The following ZNF831 variants were observed in gnomAD, a reference collection of about 807,000 sequenced individuals.
ZNF831 encodes the protein zinc finger protein 831.
In ZNF831, 59 loss-of-function variants were observed where a neutral mutation model predicts 95.8. That is an observed-to-expected ratio of 0.62 (90% CI 0.50 to 0.77). The LOEUF is 0.77. ZNF831 is among the 30% of genes least tolerant of loss of function. ZNF831 has a pLI of 0.00. For synonymous variants in ZNF831, 961 were observed against 925.5 expected (o/e 1.04, Z -0.70); for missense variants, 2,205 against 2,164.0 (o/e 1.02, Z -0.38).
intron 1 of ZNF831, among the ~76,000 whole-genome samples, chr20:59,168,190 A>T (rs1024448928): frequency 2.6e-5 from 4 of 152,204 alleles, no homozygotes; most frequent in African/African-American, 9.7e-5. Context: ...GAGAATTGAC[A>T]TTTTTACTAT....
intron 1 of ZNF831, among the ~76,000 whole-genome samples, chr20:59,123,840 C>T (rs544300222): frequency 3.3e-5 from 5 of 152,310 alleles, no homozygotes; most frequent in Non-Finnish European, 7.3e-5. Flanking sequence ...ATTTGATTTA[C>T]AGCAGCATTT....
At chr20:59,156,326 G>T (rs370107505) in intron 2 of ZNF831, among the ~76,000 whole-genome samples, 1 of 152,174 alleles carries the variant, frequency 6.6e-6, no homozygotes, top group Non-Finnish European at 1.5e-5. Flanking sequence ...AGGAGTCTGA[G>T]ACCAGCCTGG....
intron 1 of ZNF831, among the ~76,000 whole-genome samples, chr20:59,188,864 A>G (rs1038195951): frequency 1.1e-4 from 17 of 152,096 alleles, no homozygotes; most frequent in Middle Eastern, 3.2e-3. Flanking sequence ...CTTTTGCTGC[A>G]TGTACTTTTG....
At chr20:59,207,080 T>C in intron 4 of ZNF831, 24 bp downstream of exon 4, 1 of 1,610,490 alleles carries the variant, frequency 6.2e-7, no homozygotes, top group Non-Finnish European at 8.5e-7. Flanking sequence ...TGGAGGTGCA[T>C]CCAGACTGGG....
At chr20:59,165,945 T>A (rs1464446817) in intron 1 of ZNF831, among the ~76,000 whole-genome samples, 1 of 152,052 alleles carries the variant, frequency 6.6e-6, no homozygotes, top group Non-Finnish European at 1.5e-5. Context: ...AGAGAAGGGG[T>A]TTCGCCATTT....
rs768309081 is a variant in ZNF831, at chr20:59,191,170, C to A, written c.151C>A (p.Pro51Thr). 27 of 1,602,132 alleles carry A rather than the reference C, an allele frequency of 1.7e-5. No homozygotes were observed. Among genetic ancestry groups the A allele is most frequent in the East Asian group, 2.2e-5 (1 of 44,818 alleles). The change falls in exon 2 of 6, where the codon CCC becomes ACC. Residue 51 changes from proline to threonine, a missense_variant. Pro to Thr is a conservative substitution (Grantham distance 38, BLOSUM62 -1). Transcript: ENST00000371030. ...LLPPEQGLAP[P>T]TVFLKALPIP... ...GCCGCCAGAGCAGGGCCTGGCCCCC[C>A]CCACTGTGTTCCTGAAGGCCCTGCC...
chr20:59,220,936 C>T (rs982978741), intron 4 of ZNF831, among the ~76,000 whole-genome samples: 1 of 152,186 alleles, frequency 6.6e-6, no homozygotes, highest in Non-Finnish European at 1.5e-5. Flanking sequence ...CTCAGGTCCT[C>T]ATCTGTAGAA....
At chr20:59,165,005 A>G (rs1981143045) in intron 1 of ZNF831, among the ~76,000 whole-genome samples, 2 of 152,226 alleles carry the variant, frequency 1.3e-5, no homozygotes, top group South Asian at 4.1e-4. Flanking sequence ...TATGCCTTTT[A>G]ACCACCCTCG....
intron 2 of ZNF831, among the ~76,000 whole-genome samples, chr20:59,152,287 G>T (rs59936098): frequency 1.3e-5 from 2 of 151,608 alleles, no homozygotes; most frequent in Non-Finnish European, 2.9e-5. Context: ...AGTGTCACAG[G>T]GACTCTGCTG....
intron 4 of ZNF831, among the ~76,000 whole-genome samples, chr20:59,249,489 C>T (rs1987780119): frequency 6.6e-6 from 1 of 152,142 alleles, no homozygotes; most frequent in Non-Finnish European, 1.5e-5. Flanking sequence ...TGAGGGCCAG[C>T]GTCACCTTTG....
At chr20:59,248,606 A>C (rs1393434294) in intron 4 of ZNF831, among the ~76,000 whole-genome samples, 2 of 152,202 alleles carry the variant, frequency 1.3e-5, no homozygotes, top group African/African-American at 4.8e-5. Flanking sequence ...ACATTTGGCC[A>C]ATCTGATTAT....
At chr20:59,138,749 A>G (rs768610435) in intron 1 of ZNF831, among the ~76,000 whole-genome samples, 6 of 152,170 alleles carry the variant, frequency 3.9e-5, no homozygotes, top group African/African-American at 4.8e-5. Flanking sequence ...TTCTCCATCA[A>G]TCTGGGGTCT....
intron 2 of ZNF831, among the ~76,000 whole-genome samples, chr20:59,154,127 G>A (rs550686493): frequency 4.1e-4 from 63 of 152,268 alleles, no homozygotes; most frequent in Non-Finnish European, 5.7e-4. Flanking sequence ...AATGTGAGAC[G>A]AGCCAAGATT....
At chr20:59,173,180 A>C (rs988229047) in intron 1 of ZNF831, among the ~76,000 whole-genome samples, 1 of 152,180 alleles carries the variant, frequency 6.6e-6, no homozygotes, top group African/African-American at 2.4e-5. Flanking sequence ...CAGTTTCTCT[A>C]GGTCCAACAA....
At chr20:59,182,627 C>T (rs889690970) in intron 1 of ZNF831, among the ~76,000 whole-genome samples, 1 of 152,180 alleles carries the variant, frequency 6.6e-6, no homozygotes, top group Non-Finnish European at 1.5e-5. Context: ...AGGGAAACCA[C>T]GTAATTTGTG....
rs763858147 is a variant in ZNF831 at position 59,193,978 on chromosome 20, C to T, written c.2959C>T (p.Pro987Ser). The T allele has an allele frequency of 6.5e-7, 1 of 1,537,416 alleles. No individual in the cohort carries two copies. The highest frequency in any genetic ancestry group is 8.7e-7 in the Non-Finnish European group (1 of 1,143,448). Reference sequence around the variant, plus strand: ...ATTTGTTGGGTCAGGACTGGGGACCCCTCTTTCTCCCAGCCCAGCCTCAGG... The same window carrying T: ...ATTTGTTGGGTCAGGACTGGGGACCTCTCTTTCTCCCAGCCCAGCCTCAGG... Reference protein sequence around the residue: ...ASFVGSGLGTPLSPSPASGPS... With the variant: ...ASFVGSGLGTSLSPSPASGPS... The change falls in exon 2 of 6, where the codon CCT becomes TCT. Residue 987 changes from proline to serine, a missense_variant. Coordinates refer to ENST00000371030, the MANE Select transcript of ZNF831 (RefSeq NM_178457.3).
At position 59,217,753 on chromosome 20, in the gene ZNF831, A is replaced by AG. The variant is rs562044926; in HGVS notation, c.4027+10700dup. Among the ~76,000 whole-genome samples, 153 of 152,294 alleles carry AG rather than the reference A, an allele frequency of 1.0e-3. No homozygotes were observed. Among genetic ancestry groups the AG allele is most frequent in the African/African-American group, 3.6e-3 (151 of 41,562 alleles). ...TCTCTAGTAGAAAAAAAGAACATGG[A>AG]GGGACGATAAGACTCGTTTATTTAT... is the stretch of plus-strand genomic sequence containing the variant. On this transcript the variant is annotated intron_variant, in intron 4 of 5. Transcript: ENST00000371030. This position sits in a 1 kb window ranked among gnomAD's most constrained non-coding sequence, Gnocchi z 4.4.
rs753339014 is a variant in ZNF831, at chr20:59,192,409, A to G, written c.1390A>G (p.Arg464Gly). 8 of 1,611,970 alleles carry G rather than the reference A, an allele frequency of 5.0e-6. 1 individual carries two copies. In the South Asian group the frequency reaches 8.8e-5, roughly 18 times the overall value. The change falls in exon 2 of 6, where the codon AGG becomes GGG. Residue 464 changes from arginine (R) to glycine (G), a missense_variant. Coordinates refer to ENST00000371030, the MANE Select transcript of ZNF831 (RefSeq NM_178457.3). The surrounding 1 kb of genome is among the most constrained non-coding windows in gnomAD (Gnocchi z 5.2). ...CATCCGCGCGCTGGAGCCAGGCCGT[A>G]GGAGGGCCCCGGGCCCCGTGCGCTC... ...FDIRALEPGR[R>G]RAPGPVRSTW...
chr20:59,194,597 C>T lies in ZNF831; in HGVS notation c.3578C>T (p.Pro1193Leu), dbSNP rs2146602061. Residue 1193 changes from proline (P) to leucine (L), a missense_variant, in exon 2 of 6, where the codon CCT becomes CTT. By Grantham distance (98) the Pro-to-Leu change is moderately conservative. Coordinates refer to ENST00000371030, the MANE Select transcript of ZNF831 (RefSeq NM_178457.3). The part of the protein sequence containing the change: ...LTWCCLSRSV[P>L]LPAEQKAKAA... ...TGGTGTTGCCTGAGCCGCAGTGTCCCTCTGCCCGCGGAGCAGAAGGCAAAG... is the reference window on the plus strand; with the variant it reads ...TGGTGTTGCCTGAGCCGCAGTGTCCTTCTGCCCGCGGAGCAGAAGGCAAAG... 5.0e-6 allele frequency: 8 copies of T among 1,612,096 alleles called. No individual in the cohort carries two copies. Among genetic ancestry groups the T allele is most frequent in the Non-Finnish European group, 6.8e-6 (8 of 1,179,040 alleles).
Sources: allele counts gnomAD v4.1 joint callset (sites outside exome capture counted in the v4.1 genomes callset), GRCh38; gene constraint gnomAD v4.1.1; non-coding constraint Gnocchi (gnomAD v3.1); transcripts MANE v1.5; gene names NCBI Gene and HGNC (gene_info 2026-07-23, HGNC 2026-07-21).